CADM1: variants seen among roughly 807,000 people sequenced by gnomAD.
CADM1 encodes the protein cell adhesion molecule 1, also known as TSLC-1.
In CADM1, 15 loss-of-function variants were observed where a neutral mutation model predicts 53.1. The ratio of observed to expected loss-of-function variants is 0.28; its 90% CI spans 0.19 to 0.44. The LOEUF is 0.44. CADM1 is among the 20% of genes least tolerant of loss of function. The pLI, the probability that CADM1 is intolerant of heterozygous loss-of-function variation, is 1.00. For synonymous variants in CADM1, 281 were observed against 243.0 expected (o/e 1.16, Z -1.45); for missense variants, 434 against 611.3 (o/e 0.71, Z 3.06).
chr11:115,244,654 G>A (rs147112351), intron 1 of CADM1, among the ~76,000 whole-genome samples: 23 of 152,218 alleles, frequency 1.5e-4, no homozygotes, highest in African/African-American at 4.3e-4. Flanking sequence ...CAGATTCTCC[G>A]GCCCACACAG....
At chr11:115,311,868 A>G (rs922904096) in intron 1 of CADM1, among the ~76,000 whole-genome samples, 2 of 152,180 alleles carry the variant, frequency 1.3e-5, no homozygotes, top group Admixed American at 1.3e-4. Flanking sequence ...AAGATTCCCT[A>G]TATCCAGAAA....
At chr11:115,237,002 A>G (rs1942032402) in intron 3 of CADM1, among the ~76,000 whole-genome samples, 1 of 152,138 alleles carries the variant, frequency 6.6e-6, no homozygotes, top group South Asian at 2.1e-4. Flanking sequence ...CCATAAATAG[A>G]TTTTATTTTA....
At chr11:115,298,860 T>C (rs1278994066) in intron 1 of CADM1, among the ~76,000 whole-genome samples, 1 of 152,184 alleles carries the variant, frequency 6.6e-6, no homozygotes, top group Non-Finnish European at 1.5e-5. Flanking sequence ...TGGTTCTCTC[T>C]GCACTAGCTT....
chr11:115,465,087 G>A (rs1948870833), intron 1 of CADM1, among the ~76,000 whole-genome samples: 2 of 152,120 alleles, frequency 1.3e-5, no homozygotes, highest in South Asian at 4.1e-4. Flanking sequence ...GAAAAGAACA[G>A]GTTGCTTGCC....
chr11:115,252,313 C>T (rs1402034018), intron 1 of CADM1, among the ~76,000 whole-genome samples: 1 of 152,092 alleles, frequency 6.6e-6, no homozygotes, highest in African/African-American at 2.4e-5. Flanking sequence ...AGAACTATGA[C>T]CTTCTCTTCC....
intron 1 of CADM1, among the ~76,000 whole-genome samples, chr11:115,428,077 A>G (rs1040075421): frequency 3.3e-5 from 5 of 151,474 alleles, no homozygotes; most frequent in Admixed American, 1.3e-4. Context: ...AATATGTCTG[A>G]GTCTTCCAAA....
rs66617340 is a variant in CADM1 at position 115,295,549 on chromosome 11, TA to T, written c.125-55130del. ...ATATATATATATATATATATATATA[TA>T]ATATATATGTATATGCACATATATA... On this transcript the variant is annotated intron_variant, in intron 1 of 11. Transcript: ENST00000331581. Among the ~76,000 whole-genome samples the T allele has an allele frequency of 0.016, 844 of 51,622 alleles. 24 individuals are homozygous for T. The East Asian group carries it at 0.18, about 11-fold the overall frequency. 33.9% of individuals were successfully genotyped at this position (51,622 alleles called of 152,430 possible). A position where few individuals can be genotyped will look rare whatever the true frequency, so the allele number is the denominator to read the frequency against.
At chr11:115,389,384 CTTTA>C (rs1187318871) in intron 1 of CADM1, among the ~76,000 whole-genome samples, 1 of 152,174 alleles carries the variant, frequency 6.6e-6, no homozygotes, top group African/African-American at 2.4e-5. Flanking sequence ...AATCTCATAA[CTTTA>C]TTTCTGGAAA....
At position 115,174,320 on chromosome 11, in the gene CADM1, GAAAA is replaced by G; in HGVS notation, c.*2150_*2153del. 1 of 982,076 alleles carries G rather than the reference GAAAA, an allele frequency of 1.0e-6. No individual in the cohort carries two copies. Among genetic ancestry groups the G allele is most frequent in the Non-Finnish European group, 1.2e-6 (1 of 827,838 alleles). The allele number at this position is 982,076 out of a possible 1,614,324, so 60.8% of individuals were successfully genotyped here. On this transcript the variant is annotated 3_prime_UTR_variant, in exon 12 of 12. Transcript: ENST00000331581. Reference sequence around the variant, plus strand: ...TTCTTTTTTTCTAAAAAGAACAACTGAAAAAAAACCTTTCAACAACATGCTAAAT... The same window carrying G: ...TTCTTTTTTTCTAAAAAGAACAACTGAAAACCTTTCAACAACATGCTAAAT...
At chr11:115,361,667 C>A (rs1803727643) in intron 1 of CADM1, among the ~76,000 whole-genome samples, 1 of 152,074 alleles carries the variant, frequency 6.6e-6, no homozygotes, top group Admixed American at 6.6e-5. Context: ...CATATGCACA[C>A]CCACAATACA....
At chr11:115,332,498 T>C (rs1945158247) in intron 1 of CADM1, among the ~76,000 whole-genome samples, 1 of 152,138 alleles carries the variant, frequency 6.6e-6, no homozygotes, top group Non-Finnish European at 1.5e-5. Flanking sequence ...CTGCATTGAA[T>C]CACTGAGGGA....
At position 115,175,845 on chromosome 11, in the gene CADM1, C is replaced by T. The variant is rs1273666081; in HGVS notation, c.*629G>A. 1.0e-6 allele frequency: 1 copy of T among 994,040 alleles called. No homozygotes were observed. Among genetic ancestry groups the T allele is most frequent in the Non-Finnish European group, 1.2e-6 (1 of 835,156 alleles). The allele number at this position is 994,040 out of a possible 1,614,324, so 61.6% of individuals were successfully genotyped here. Reference sequence around the variant, plus strand: ...CTGCTCTAAGTATTTGAAACATGGGCAGCAGCAAAGAGTTTTCATTGTTTG... The same window carrying T: ...CTGCTCTAAGTATTTGAAACATGGGTAGCAGCAAAGAGTTTTCATTGTTTG... On this transcript the variant is annotated 3_prime_UTR_variant, in exon 12 of 12. Coordinates refer to ENST00000331581, the MANE Select transcript of CADM1 (RefSeq NM_001301043.2).
chr11:115,267,679 T>A (rs1289474300), intron 1 of CADM1, among the ~76,000 whole-genome samples: 1 of 84,942 alleles, frequency 1.2e-5, no homozygotes, highest in Non-Finnish European at 1.9e-5. Context: ...AATTGCTTTC[T>A]TTTTTTTTTT....
intron 8 of CADM1, among the ~76,000 whole-genome samples, chr11:115,202,187 C>CAAA (rs55812891): frequency 4.4e-4 from 65 of 148,154 alleles, no homozygotes; most frequent in African/African-American, 7.1e-4. Context: ...AACTAAGTAG[C>CAAA]AAAAAAAAAA....
intron 1 of CADM1, among the ~76,000 whole-genome samples, chr11:115,260,910 A>G (rs1565330636): frequency 6.6e-6 from 1 of 151,714 alleles, no homozygotes; most frequent in Non-Finnish European, 1.5e-5. Flanking sequence ...TTCTGACCTC[A>G]TGATCCGCCC....
intron 1 of CADM1, among the ~76,000 whole-genome samples, chr11:115,262,562 G>GTATGCCACCCTAGGC (rs1943008037): frequency 6.6e-6 from 1 of 152,202 alleles, no homozygotes; most frequent in Non-Finnish European, 1.5e-5. Flanking sequence ...CCTAGGCTGT[G>GTATGCCACCCTAGGC]ATACAGTTAA....
At chr11:115,349,763 A>G (rs532981806) in intron 1 of CADM1, among the ~76,000 whole-genome samples, 10 of 152,320 alleles carry the variant, frequency 6.6e-5, no homozygotes, top group African/African-American at 2.4e-4. Context: ...TCAATTCAGC[A>G]TCATTCTCCT....
chr11:115,239,299 T>C (rs753048652), intron 2 of CADM1, among the ~76,000 whole-genome samples: 73 of 152,280 alleles, frequency 4.8e-4, no homozygotes, highest in Non-Finnish European at 8.7e-4. Context: ...TGATTTGAGG[T>C]GGAGCTGCCA....
intron 1 of CADM1, among the ~76,000 whole-genome samples, chr11:115,447,846 G>A (rs144967081): frequency 6.6e-6 from 1 of 152,280 alleles, no homozygotes; most frequent in African/African-American, 2.4e-5. Context: ...CTGCCACAGT[G>A]AGCCATAGCT....
Sources: gnomAD v4.1 joint callset for allele counts (sites outside exome capture counted in the v4.1 genomes callset) on GRCh38, gnomAD v4.1.1 for gene constraint, MANE v1.5 for transcripts, NCBI Gene and HGNC (gene_info 2026-07-23, HGNC 2026-07-21) for gene names.